SIK2: variants seen among roughly 807,000 people sequenced by gnomAD.
SIK2 encodes the protein serine/threonine-protein kinase SIK2.
Under a neutral mutation model 103.2 loss-of-function variants are expected in SIK2, and 29 were observed. The ratio of observed to expected loss-of-function variants is 0.28; its 90% confidence interval spans 0.21 to 0.38. The LOEUF (loss-of-function observed/expected upper bound fraction) is 0.38, where lower values mean the gene tolerates loss of function less well. Ranked by LOEUF, SIK2 falls within the 10% of genes least tolerant of loss-of-function variation. The pLI, the probability that SIK2 is intolerant of heterozygous loss-of-function variation, is 1.00. For synonymous variants in SIK2, 412 were observed against 446.1 expected, an observed-to-expected ratio of 0.92 and a Z score of 0.96; for missense variants, 879 against 1,171.0, an observed-to-expected ratio of 0.75 and a Z score of 3.64.
Position 111,724,007 on chromosome 11 carries a change from G to A in SIK2, c.2659G>A (p.Gly887Arg), listed in dbSNP as rs767152607. ...LTGPDCPRSP[G>R]LQEAPSSYDP... Reference sequence around the variant, plus strand: ...GGGGCCAGACTGTCCCAGAAGCCCAGGACTGCAAGAGGCCCCCTCCAGCTA... The same window carrying A: ...GGGGCCAGACTGTCCCAGAAGCCCAAGACTGCAAGAGGCCCCCTCCAGCTA... The change falls in exon 15 of 15, where the codon GGA (glycine) becomes AGA (arginine). Residue 887 changes from glycine (G) to arginine (R), a missense_variant. Around this residue, in one of 7 missense-constraint regions of SIK2, gnomAD observed 375 missense variants for 416.3 expected, o/e 0.90. Coordinates refer to ENST00000304987, the MANE Select transcript of SIK2 (RefSeq NM_015191.3). 1 of 1,614,210 alleles carries A rather than the reference G, an allele frequency of 6.2e-7. No individual in the cohort carries two copies. The highest frequency in any genetic ancestry group is 2.2e-5 in the East Asian group (1 of 44,884).
chr11:111,724,356 G>A lies in SIK2; in HGVS notation c.*227G>A, dbSNP rs2135982229. On this transcript the variant is annotated 3_prime_UTR_variant, in exon 15 of 15. Transcript: ENST00000304987. ...AAGTGCTGGAACATAGTTGTAGGCT[G>A]AGGCTCCTGCCCTTCGGTCGAGTGG... is the stretch of plus-strand genomic sequence containing the variant. 1.7e-6 allele frequency: 1 copy of A among 592,950 alleles called. No individual in the cohort carries two copies. Among genetic ancestry groups the A allele is most frequent in the East Asian group, 3.0e-5 (1 of 33,022 alleles). 36.7% of individuals were successfully genotyped at this position (592,950 alleles called of 1,614,324 possible). A position where few individuals can be genotyped will look rare whatever the true frequency, so the allele number is the denominator to read the frequency against.
intron 1 of SIK2, among the ~76,000 whole-genome samples, chr11:111,609,348 G>T (rs1466580727): frequency 6.6e-6 from 1 of 151,910 alleles, no homozygotes; most frequent in East Asian, 1.9e-4. Context: ...GGGGGACAGG[G>T]TCTCACTCTG....
intron 2 of SIK2, among the ~76,000 whole-genome samples, chr11:111,619,568 C>T (rs958973374): frequency 6.6e-5 from 10 of 152,096 alleles, no homozygotes; most frequent in African/African-American, 2.4e-4. Flanking sequence ...TGGTGTCGAA[C>T]TCCTGACCTC....
intron 3 of SIK2, among the ~76,000 whole-genome samples, chr11:111,635,039 T>C (rs1048246969): frequency 1.3e-5 from 2 of 152,188 alleles, no homozygotes; most frequent in Admixed American, 1.3e-4. Flanking sequence ...TTTGAAGAGG[T>C]CAGATCTAAT....
intron 3 of SIK2, among the ~76,000 whole-genome samples, chr11:111,636,904 C>G (rs979175094): frequency 4.6e-5 from 7 of 152,124 alleles, no homozygotes; most frequent in African/African-American, 1.4e-4. Flanking sequence ...TGTCTGTAAG[C>G]TTATAAGATC....
chr11:111,629,577 T>C (rs1026218739), intron 3 of SIK2, among the ~76,000 whole-genome samples: 1 of 152,154 alleles, frequency 6.6e-6, no homozygotes, highest in African/African-American at 2.4e-5. Context: ...CTACGGACAA[T>C]TGATAGTTGA....
At chr11:111,630,309 C>T (rs1034446720) in intron 3 of SIK2, among the ~76,000 whole-genome samples, 10 of 152,010 alleles carry the variant, frequency 6.6e-5, no homozygotes, top group African/African-American at 2.4e-4. Context: ...AAAGTTGCCT[C>T]CAGGGAGAGG....
intron 3 of SIK2, among the ~76,000 whole-genome samples, chr11:111,651,868 T>G (rs1942331341): frequency 1.3e-5 from 2 of 152,224 alleles, no homozygotes; most frequent in South Asian, 4.1e-4. Context: ...AGGAGGACTT[T>G]GCAAGCTCTA....
intron 7 of SIK2, among the ~76,000 whole-genome samples, chr11:111,704,009 C>T (rs1433772455): frequency 1.5e-4 from 23 of 152,066 alleles, no homozygotes; most frequent in Admixed American, 1.4e-3. Context: ...AATACCTTTA[C>T]GATAGTAAAA....
chr11:111,721,842 C>G lies in SIK2; in HGVS notation c.1957C>G (p.Gln653Glu), dbSNP rs571853253. 115 of 1,607,702 alleles carry G rather than the reference C, an allele frequency of 7.2e-5. 1 individual carries two copies. In the South Asian group the frequency reaches 1.2e-3, roughly 17 times the overall value. Residue 653 changes from glutamine (Q) to glutamate (E), a missense_variant, in exon 13 of 15, where the codon CAG becomes GAG. Transcript: ENST00000304987. ...CCTTGCTCCTCAGGAAGAAGTTTCT[C>G]AGCAGCAGGAAAGCGTCTCCACTCT... Reference protein sequence around the residue: ...ASSCPQEEVSQQQESVSTLPA... With the variant: ...ASSCPQEEVSEQQESVSTLPA...
At chr11:111,609,435 C>G (rs1457916174) in intron 1 of SIK2, among the ~76,000 whole-genome samples, 1 of 152,114 alleles carries the variant, frequency 6.6e-6, no homozygotes, top group African/African-American at 2.4e-5. Flanking sequence ...GATCTTCCCA[C>G]TTCAGCCTTC....
At chr11:111,609,992 C>CTTA (rs1398470278) in intron 1 of SIK2, among the ~76,000 whole-genome samples, 2 of 152,148 alleles carry the variant, frequency 1.3e-5, no homozygotes, top group Non-Finnish European at 2.9e-5. Flanking sequence ...TTATCTAAGA[C>CTTA]AAGAAACACA....
At chr11:111,723,437 T>C in intron 14 of SIK2, 59 bp from the exon 15 acceptor site, 1 of 1,514,264 alleles carries the variant, frequency 6.6e-7, no homozygotes, top group African/African-American at 1.4e-5. Context: ...TGCATTTACA[T>C]TAAAATTGCC....
chr11:111,644,063 G>A (rs142622110), intron 3 of SIK2, among the ~76,000 whole-genome samples: 2 of 151,428 alleles, frequency 1.3e-5, no homozygotes, highest in African/African-American at 2.4e-5. Context: ...TGAGGCGAGC[G>A]GATCACGAGG....
In SIK2 at chr11:111,712,318, A is replaced by T. The variant is rs1290193811; in HGVS notation, c.1209A>T (p.Ala403=). 5 of 1,614,200 alleles carry T rather than the reference A, an allele frequency of 3.1e-6. No homozygotes were observed. Among genetic ancestry groups the T allele is most frequent in the Non-Finnish European group, 4.2e-6 (5 of 1,180,038 alleles). Residue 403 remains alanine, a synonymous_variant, in exon 9 of 15, where the codon GCA becomes GCT. Coordinates refer to ENST00000304987, the MANE Select transcript of SIK2 (RefSeq NM_015191.3). ...ACGTGGAGGCCTTTTCATTTCCAGC[A>T]TCTGGCTGTCAGGCGGAAGCTGCAT... The part of the protein sequence containing the change: ...ASNVEAFSFP[A]SGCQAEAAFM...
At chr11:111,707,229 ATTC>A (rs1042644186) in intron 8 of SIK2, among the ~76,000 whole-genome samples, 2 of 152,190 alleles carry the variant, frequency 1.3e-5, no homozygotes, top group African/African-American at 4.8e-5. Context: ...AAGTCTCTTT[ATTC>A]TTCTTAAACA....
At chr11:111,665,921 T>C (rs988269469) in intron 3 of SIK2, among the ~76,000 whole-genome samples, 1 of 152,202 alleles carries the variant, frequency 6.6e-6, no homozygotes, top group African/African-American at 2.4e-5. Flanking sequence ...CCATGGACTT[T>C]GGTTCTCCAT....
intron 9 of SIK2, among the ~76,000 whole-genome samples, chr11:111,717,757 C>T (rs117594542): frequency 6.6e-6 from 1 of 152,150 alleles, no homozygotes; most frequent in Non-Finnish European, 1.5e-5. Context: ...GAATACCATG[C>T]ATACATAGAA....
rs973451195 is a variant in SIK2 at position 111,728,839 on chromosome 11, G to T, written c.*4710G>T. 6.6e-6 allele frequency: 1 copy of T among 151,704 alleles called. No homozygotes were observed. The allele number at this position is 151,704 out of a possible 1,614,324, so 9.4% of individuals were successfully genotyped here. ...CTCGGGAGGCTGAGGCAGGAGAATG[G>T]CGTGAACCCGGGAGGTGGAGCTTGC... On this transcript the variant is annotated 3_prime_UTR_variant, in exon 15 of 15. Coordinates refer to ENST00000304987, the MANE Select transcript of SIK2 (RefSeq NM_015191.3).
Sources: allele counts gnomAD v4.1 joint callset (sites outside exome capture counted in the v4.1 genomes callset), GRCh38; gene constraint gnomAD v4.1.1; regional missense constraint gnomAD v4.1.1; transcripts MANE v1.5; gene names NCBI Gene and HGNC (gene_info 2026-07-23, HGNC 2026-07-21).